The following PLAGL1 variants were observed in gnomAD, a reference collection of about 807,000 sequenced individuals.
PLAGL1 encodes PLAG1 like zinc finger 1.
In PLAGL1, 1 loss-of-function variant was observed where a neutral mutation model predicts 4.6. The ratio of observed to expected loss-of-function variants is 0.22; its 90% CI spans 0.08 to 1.03. The LOEUF is 1.03. Among genes scored for constraint, PLAGL1 ranks in the 50% least tolerant of loss-of-function variants. The pLI is 0.58. For missense variants in PLAGL1, 464 were observed against 570.4 expected (o/e 0.81, Z 1.90); for synonymous variants, 240 against 237.8 (o/e 1.01, Z -0.08).
At position 143,952,792 on chromosome 6, in the gene PLAGL1, C is replaced by T. The variant is rs1583135875; in HGVS notation, c.-324-4332G>A. The stretch of plus-strand genomic sequence containing the variant: ...ATTGTCCTCAGTGACACAATCAATG[C>T]AAGGCCCATTTCTGAGAGGAAAGTG... On this transcript the variant is annotated intron_variant, in intron 6 of 7. Transcript: ENST00000674357. The surrounding 1 kb of genome is among the most constrained non-coding windows in gnomAD (Gnocchi z 6.1). Among the ~76,000 whole-genome samples, 1 of 152,206 alleles carries T rather than the reference C, an allele frequency of 6.6e-6. No individual in the cohort carries two copies. Among genetic ancestry groups the T allele is most frequent in the African/African-American group, 2.4e-5 (1 of 41,448 alleles).
At chr6:144,001,940 G>A (rs1792991445) in intron 1 of PLAGL1, among the ~76,000 whole-genome samples, 1 of 152,044 alleles carries the variant, frequency 6.6e-6, no homozygotes, top group Non-Finnish European at 1.5e-5. Flanking sequence ...TGGAGTAAAC[G>A]AGGGAGGCAT....
At position 144,048,744 on chromosome 6, in the gene PLAGL1, C is replaced by G. The variant is rs1292667745; in HGVS notation, c.-151+15724G>C. On this transcript the variant is annotated intron_variant, in intron 1 of 3. Transcript: ENST00000437412. The surrounding 1 kb of genome is among the most constrained non-coding windows in gnomAD (Gnocchi z 4.8). ...ATGGGAGGGGCTGCCAAGAAGGTCT[C>G]TAACATGCCCTGAAATGTTTTCCCC... Among the ~76,000 whole-genome samples, 2 of 152,222 alleles carry G rather than the reference C, an allele frequency of 1.3e-5. No homozygotes were observed. The highest frequency in any genetic ancestry group is 6.5e-5 in the Admixed American group (1 of 15,282).
chr6:143,972,681 C>T lies in PLAGL1; in HGVS notation c.-543-3703G>A, dbSNP rs1209664872. On this transcript the variant is annotated intron_variant, in intron 2 of 7. Coordinates refer to ENST00000674357, the MANE Select transcript of PLAGL1 (RefSeq NM_001317162.2). This position sits in a 1 kb window ranked among gnomAD's most constrained non-coding sequence, Gnocchi z 6.8. Reference sequence around the variant, plus strand: ...TTGAGTGGAACGTAGCTTCCAAGTTCAAAGATGTTTTAAAATATAATGAAT... The same window carrying T: ...TTGAGTGGAACGTAGCTTCCAAGTTTAAAGATGTTTTAAAATATAATGAAT... Among the ~76,000 whole-genome samples the T allele has an allele frequency of 6.6e-6, 1 of 152,026 alleles. No individual in the cohort carries two copies. Among genetic ancestry groups the T allele is most frequent in the Non-Finnish European group, 1.5e-5 (1 of 68,018 alleles).
Position 144,034,123 on chromosome 6 carries a change from T to C in PLAGL1, c.-151+30345A>G, listed in dbSNP as rs574347115. Among the ~76,000 whole-genome samples, 3 of 152,360 alleles carry C rather than the reference T, an allele frequency of 2.0e-5. No homozygotes were observed. Among genetic ancestry groups the C allele is most frequent in the African/African-American group, 2.4e-5 (1 of 41,582 alleles). Reference sequence around the variant, plus strand: ...TTTTATACTGTTAATTACATCTCCATGCAGGGCTGAAAAGAATGACCTGTG... The same window carrying C: ...TTTTATACTGTTAATTACATCTCCACGCAGGGCTGAAAAGAATGACCTGTG... On this transcript the variant is annotated intron_variant, in intron 1 of 3. Coordinates refer to the PLAGL1 transcript ENST00000437412. This position sits in a 1 kb window ranked among gnomAD's most constrained non-coding sequence, Gnocchi z 4.7.
At chr6:143,951,457 G>T (rs1202572491) in intron 6 of PLAGL1, among the ~76,000 whole-genome samples, 1 of 152,232 alleles carries the variant, frequency 6.6e-6, no homozygotes, top group East Asian at 1.9e-4. Context: ...TAAAACGCCT[G>T]CATTCTTTCT....
chr6:143,971,737 G>A lies in PLAGL1; in HGVS notation c.-543-2759C>T, dbSNP rs1326484891. On this transcript the variant is annotated intron_variant, in intron 2 of 7. Transcript: ENST00000674357. The surrounding 1 kb of genome is among the most constrained non-coding windows in gnomAD (Gnocchi z 4.7). The stretch of plus-strand genomic sequence containing the variant: ...CTGGTTAAAGAAATTGTCAAGGGAG[G>A]TTTTGACTTTTGCTATTATTTAACA... 6.6e-6 allele frequency among the ~76,000 whole-genome samples: 1 copy of A among 152,162 alleles called. No homozygotes were observed. Among genetic ancestry groups the A allele is most frequent in the Non-Finnish European group, 1.5e-5 (1 of 68,032 alleles).
At chr6:144,047,525 G>A (rs1290202545) in intron 1 of PLAGL1, among the ~76,000 whole-genome samples, 2 of 152,120 alleles carry the variant, frequency 1.3e-5, no homozygotes, top group Admixed American at 1.3e-4. Context: ...TTACAATCAT[G>A]GCAGAAGGGG....
rs115857777 is a variant in PLAGL1 at position 143,944,186 on chromosome 6, A to G, written c.153-1523T>C. 5.6e-3 allele frequency among the ~76,000 whole-genome samples: 851 copies of G among 152,316 alleles called. 12 individuals are homozygous for G. Among genetic ancestry groups the G allele is most frequent in the African/African-American group, 0.019 (809 of 41,564 alleles). On this transcript the variant is annotated intron_variant, in intron 7 of 7. Transcript: ENST00000674357. ...ATTTTCTAACAACTCATTCCGTAAA[A>G]GAGATAGGATCTCTTTAAGACAGTA...
At chr6:144,062,675 C>T (rs950397866) in intron 1 of PLAGL1, among the ~76,000 whole-genome samples, 3 of 151,992 alleles carry the variant, frequency 2.0e-5, no homozygotes, top group Non-Finnish European at 4.4e-5. Flanking sequence ...TCATCGTAGC[C>T]GGGTTATATT....
chr6:144,047,738 T>A (rs915199523), intron 1 of PLAGL1, among the ~76,000 whole-genome samples: 6 of 152,164 alleles, frequency 3.9e-5, no homozygotes, highest in Non-Finnish European at 8.8e-5. Flanking sequence ...CAATTCAAGA[T>A]GAGATTTGGG....
Position 144,048,852 on chromosome 6 carries a change from GT to G in PLAGL1, c.-151+15615del, listed in dbSNP as rs1798367841. Among the ~76,000 whole-genome samples the G allele has an allele frequency of 6.6e-6, 1 of 152,188 alleles. No individual in the cohort carries two copies. The highest frequency in any genetic ancestry group is 1.5e-5 in the Non-Finnish European group (1 of 68,026). On this transcript the variant is annotated intron_variant, in intron 1 of 3. Coordinates refer to the PLAGL1 transcript ENST00000437412. This position sits in a 1 kb window ranked among gnomAD's most constrained non-coding sequence, Gnocchi z 4.8. ...CTTGAATTCCTCCTTAAGAAAATAG[GT>G]TTTTCTTTTCTACTACAAGGTCGGG...
Position 143,962,211 on chromosome 6 carries a change from C to T in PLAGL1, c.-398-1669G>A, listed in dbSNP as rs1431736613. ...GGGGAAAATCATGTGCAGTATATGA[C>T]GATTTAATAAAGCAGAGAACAGACA... On this transcript the variant is annotated intron_variant, in intron 5 of 7. Coordinates refer to ENST00000674357, the MANE Select transcript of PLAGL1 (RefSeq NM_001317162.2). This position sits in a 1 kb window ranked among gnomAD's most constrained non-coding sequence, Gnocchi z 5.3. Among the ~76,000 whole-genome samples the T allele has an allele frequency of 1.3e-5, 2 of 152,024 alleles. No homozygotes were observed. Among genetic ancestry groups the T allele is most frequent in the South Asian group, 2.1e-4 (1 of 4,812 alleles).
In PLAGL1 at chr6:143,950,643, C is replaced by G. The variant is rs986008514; in HGVS notation, c.-324-2183G>C. The stretch of plus-strand genomic sequence containing the variant: ...AGCTGAACTCAAAATAGCACTCGTC[C>G]CACTCGCCCCTTCAGAGAAGGAGCT... On this transcript the variant is annotated intron_variant, in intron 6 of 7. Transcript: ENST00000674357. This position sits in a 1 kb window ranked among gnomAD's most constrained non-coding sequence, Gnocchi z 6.3. 1.3e-5 allele frequency among the ~76,000 whole-genome samples: 2 copies of G among 152,134 alleles called. No individual in the cohort carries two copies. Among genetic ancestry groups the G allele is most frequent in the African/African-American group, 4.8e-5 (2 of 41,436 alleles).
At chr6:143,969,809 AT>A (rs146695526) in intron 2 of PLAGL1, among the ~76,000 whole-genome samples, 18,043 of 147,528 alleles carry the variant, frequency 0.12, 1,312 homozygotes, top group Non-Finnish European at 0.16. Flanking sequence ...CTTAACTTCA[AT>A]TTTTTTTTTT....
chr6:144,042,246 T>C (rs539407531), intron 1 of PLAGL1, among the ~76,000 whole-genome samples: 2 of 152,360 alleles, frequency 1.3e-5, no homozygotes, highest in Non-Finnish European at 2.9e-5. Flanking sequence ...ATGAAGTCCT[T>C]GCCCATCCTA....
chr6:144,007,451 T>C (rs776020539), intron 1 of PLAGL1: 2 of 152,190 alleles, frequency 1.3e-5, no homozygotes, highest in Non-Finnish European at 2.9e-5. Context: ...ATTGGTTTCC[T>C]AAAACATGAA....
chr6:143,942,262 A>T lies in PLAGL1; in HGVS notation c.554T>A (p.Leu185Gln). ...AAATCTCTGGGCACAGAACTGGCAC[A>T]GGAAGTCCTTGCATCCTGTGTGGAC... The part of the protein sequence containing the change: ...LVVHTGCKDF[L>Q]CQFCAQRFGR... Residue 185 changes from leucine to glutamine, a missense_variant, in exon 8 of 8, where the codon CTG (leucine) becomes CAG (glutamine). Physicochemically the swap from Leu to Gln is moderately radical, Grantham distance 113. Transcript: ENST00000674357. The surrounding 1 kb of genome is among the most constrained non-coding windows in gnomAD (Gnocchi z 7.6). 6.2e-7 allele frequency: 1 copy of T among 1,614,166 alleles called. No individual in the cohort carries two copies. Among genetic ancestry groups the T allele is most frequent in the Non-Finnish European group, 8.5e-7 (1 of 1,180,016 alleles).
At chr6:144,049,187 C>A in intron 1 of PLAGL1, among the ~76,000 whole-genome samples, 1 of 152,326 alleles carries the variant, frequency 6.6e-6, no homozygotes, top group Non-Finnish European at 1.5e-5. Flanking sequence ...TCAGCCTGTA[C>A]TTCATTGTCC....
Position 143,940,968 on chromosome 6 carries a change from A to C in PLAGL1, c.*456T>G, listed in dbSNP as rs1232986222. The C allele has an allele frequency of 6.5e-6, 1 of 152,904 alleles. No individual in the cohort carries two copies. The highest frequency in any genetic ancestry group is 2.4e-5 in the African/African-American group (1 of 41,480). 9.5% of individuals were successfully genotyped at this position (152,904 alleles called of 1,614,324 possible). The stretch of plus-strand genomic sequence containing the variant: ...CCTGAAGGTAGAAAAATCCCTGAAA[A>C]GAAATACACAGCCTAGTCATAGTAT... On this transcript the variant is annotated 3_prime_UTR_variant, in exon 8 of 8. Coordinates refer to ENST00000674357, the MANE Select transcript of PLAGL1 (RefSeq NM_001317162.2).
Sources: gnomAD v4.1 joint callset for allele counts (sites outside exome capture counted in the v4.1 genomes callset) on GRCh38, gnomAD v4.1.1 for gene constraint, Gnocchi (gnomAD v3.1) non-coding constraint, MANE v1.5 for transcripts, NCBI Gene and HGNC (gene_info 2026-07-23, HGNC 2026-07-21) for gene names.